YIPF4: variants seen among roughly 807,000 people sequenced by gnomAD.
YIPF4 encodes Yip1 domain family member 4, also known as protein YIPF4.
A neutral mutation model predicts 29.4 loss-of-function variants in YIPF4; 18 were observed. The ratio of observed to expected loss-of-function variants is 0.61; its 90% CI spans 0.42 to 0.91. The LOEUF is 0.91. YIPF4 is among the 40% of genes least tolerant of loss of function. The probability of loss-of-function intolerance (pLI) is 0.00; values close to 1 mark genes in which losing one functional copy is unlikely to be tolerated. For synonymous variants in YIPF4, 115 were observed against 104.7 expected, an observed-to-expected ratio of 1.10 and a Z score of -0.60; for missense variants, 279 against 282.7, an observed-to-expected ratio of 0.99 and a Z score of 0.09.
At chr2:32,286,484 C>T (rs965937507) in intron 1 of YIPF4, among the ~76,000 whole-genome samples, 5 of 151,966 alleles carry the variant, frequency 3.3e-5, no homozygotes, top group Non-Finnish European at 7.4e-5. Context: ...CTACTAAAAC[C>T]ATAAACCAGA....
chr2:32,280,128 T>A (rs760829239), intron 1 of YIPF4, among the ~76,000 whole-genome samples: 26 of 148,760 alleles, frequency 1.7e-4, no homozygotes, highest in Non-Finnish European at 3.3e-4. Flanking sequence ...CTAATATATA[T>A]ATATATATTT....
At chr2:32,285,423 G>C (rs924956281) in intron 1 of YIPF4, among the ~76,000 whole-genome samples, 2 of 152,008 alleles carry the variant, frequency 1.3e-5, no homozygotes, top group Admixed American at 1.3e-4. Flanking sequence ...TTTCAACCTT[G>C]GCCTTCTTCA....
intron 3 of YIPF4, among the ~76,000 whole-genome samples, chr2:32,295,592 A>C (rs1421446810): frequency 6.6e-6 from 1 of 152,046 alleles, no homozygotes; most frequent in East Asian, 1.9e-4. Context: ...TAATGTACTT[A>C]AATCTCCTTC....
At chr2:32,299,674 C>T (rs995577643) in intron 4 of YIPF4, among the ~76,000 whole-genome samples, 24 of 151,884 alleles carry the variant, frequency 1.6e-4, no homozygotes, top group African/African-American at 5.6e-4. Context: ...ATTATCCAGG[C>T]ATAGTGGTGT....
chr2:32,293,586 G>A lies in YIPF4; in HGVS notation c.405+1238G>A, dbSNP rs925309184. Among the ~76,000 whole-genome samples, 94 of 152,286 alleles carry A rather than the reference G, an allele frequency of 6.2e-4. 1 individual carries two copies. Among genetic ancestry groups the A allele is most frequent in the Non-Finnish European group, 1.0e-3 (68 of 68,030 alleles). On this transcript the variant is annotated intron_variant, in intron 3 of 5. Transcript: ENST00000238831. The stretch of plus-strand genomic sequence containing the variant: ...AAAACCGCCATTGTCATCGTGGCCC[G>A]TTCTCAATGAGCTGTTGGGTACACC...
At chr2:32,281,072 A>T (rs1178085502) in intron 1 of YIPF4, among the ~76,000 whole-genome samples, 1 of 152,160 alleles carries the variant, frequency 6.6e-6, no homozygotes, top group East Asian at 1.9e-4. Flanking sequence ...AAGAAACCTG[A>T]AATAAGTAAA....
chr2:32,300,586 A>G (rs752713300), intron 4 of YIPF4, among the ~76,000 whole-genome samples: 8 of 152,148 alleles, frequency 5.3e-5, no homozygotes, highest in Non-Finnish European at 8.8e-5. Flanking sequence ...TACTCTGCAT[A>G]TGGAAATTTA....
Position 32,290,561 on chromosome 2 carries a change from C to T in YIPF4, c.158C>T (p.Thr53Ile). The change falls in exon 2 of 6, where the codon ACA becomes ATA. Residue 53 changes from threonine (T) to isoleucine (I), a missense_variant. Physicochemically the swap from Thr to Ile is moderately conservative, Grantham distance 89. Transcript: ENST00000238831. ...TTTATCAAAGAATCTACAGCTACTACATTTCTGAGACAAAGAGGTTATGGC... is the reference window on the plus strand; with the variant it reads ...TTTATCAAAGAATCTACAGCTACTATATTTCTGAGACAAAGAGGTTATGGC... The part of the protein sequence containing the change: ...GDFIKESTAT[T>I]FLRQRGYGWL... 2 of 1,591,282 alleles carry T rather than the reference C, an allele frequency of 1.3e-6. No homozygotes were observed. Among genetic ancestry groups the T allele is most frequent in the Non-Finnish European group, 1.7e-6 (2 of 1,169,052 alleles).
chr2:32,311,530 T>C lies in YIPF4; in HGVS notation c.*5904T>C, dbSNP rs549395071. The C allele has an allele frequency of 5.9e-5, 9 of 152,330 alleles. No individual in the cohort carries two copies. Among genetic ancestry groups the C allele is most frequent in the Non-Finnish European group, 1.2e-4 (8 of 68,020 alleles). 9.4% of individuals were successfully genotyped at this position (152,330 alleles called of 1,614,324 possible). ...TTTTACTTTGAAGATGTTTGGTTTA[T>C]AGTAGTCCATGCTATACTAATGCTG... is the stretch of plus-strand genomic sequence containing the variant. On this transcript the variant is annotated 3_prime_UTR_variant, in exon 6 of 6. Coordinates refer to ENST00000238831, the MANE Select transcript of YIPF4 (RefSeq NM_032312.4).
intron 1 of YIPF4, among the ~76,000 whole-genome samples, chr2:32,280,466 G>T (rs1460412720): frequency 1.7e-4 from 26 of 150,376 alleles, no homozygotes; most frequent in African/African-American, 5.9e-4. Context: ...TGCAAGCTCC[G>T]CCTCCCGGGT....
intron 1 of YIPF4, among the ~76,000 whole-genome samples, chr2:32,286,761 GTCTCGA>G (rs1040077909): frequency 5.3e-5 from 8 of 152,140 alleles, no homozygotes; most frequent in African/African-American, 1.9e-4. Flanking sequence ...GGCCAGGATT[GTCTCGA>G]TCTCTTGACC....
At chr2:32,290,258 A>G (rs544994598) in intron 1 of YIPF4, among the ~76,000 whole-genome samples, 1 of 152,156 alleles carries the variant, frequency 6.6e-6, no homozygotes, top group East Asian at 1.9e-4. Context: ...TAGCTGTGAA[A>G]CCTTTTGTAC....
chr2:32,282,880 T>C (rs1296700536), intron 1 of YIPF4, among the ~76,000 whole-genome samples: 2 of 151,830 alleles, frequency 1.3e-5, no homozygotes, highest in African/African-American at 4.8e-5. Context: ...ATCAAGACCA[T>C]CCTGGCTAAC....
rs1393162725 is a variant in YIPF4, at chr2:32,292,240, G to A, written c.297G>A (p.Met99Ile). The change falls in exon 3 of 6, where the codon ATG becomes ATA. Residue 99 changes from methionine (M) to isoleucine (I), a missense_variant. Transcript: ENST00000238831. Reference sequence around the variant, plus strand: ...AAATCCGATGTGTTTTGATGCCAATGCCATCACTTGGTTTTAATAGACAAG... The same window carrying A: ...AAATCCGATGTGTTTTGATGCCAATACCATCACTTGGTTTTAATAGACAAG... ...YYKIRCVLMPMPSLGFNRQVV... is the reference protein window; with the variant it reads ...YYKIRCVLMPIPSLGFNRQVV... 7 of 1,603,292 alleles carry A rather than the reference G, an allele frequency of 4.4e-6. No homozygotes were observed. The African/African-American group carries it at 9.4e-5, about 21-fold the overall frequency.
chr2:32,281,442 A>G (rs1258513872), intron 1 of YIPF4, among the ~76,000 whole-genome samples: 6 of 152,000 alleles, frequency 3.9e-5, no homozygotes, highest in East Asian at 1.9e-4. Flanking sequence ...GGGTTTCGCC[A>G]TGTTTCACAG....
rs531097807 is a variant in YIPF4 at position 32,316,347 on chromosome 2, A to G, written c.*10721A>G. 1.3e-5 allele frequency: 2 copies of G among 152,340 alleles called. No individual in the cohort carries two copies. Among genetic ancestry groups the G allele is most frequent in the East Asian group, 1.9e-4 (1 of 5,192 alleles). The allele number at this position is 152,340 out of a possible 1,614,324, so 9.4% of individuals were successfully genotyped here. A position where few individuals can be genotyped will look rare whatever the true frequency, so the allele number is the denominator to read the frequency against. ...GGGGAGGGTAAAAAGACCAACTAAT[A>G]TATGTAAAGATGCACAAATTCATTC... On this transcript the variant is annotated 3_prime_UTR_variant, in exon 6 of 6. Transcript: ENST00000238831.
In YIPF4 at chr2:32,306,044, T is replaced by A; in HGVS notation, c.*418T>A. Reference sequence around the variant, plus strand: ...TCCAGCATCACAGATCCTGCAGATATATATTTATATTTATACATATATATT... The same window carrying A: ...TCCAGCATCACAGATCCTGCAGATAAATATTTATATTTATACATATATATT... On this transcript the variant is annotated 3_prime_UTR_variant, in exon 6 of 6. Transcript: ENST00000238831. 1.2e-6 allele frequency: 1 copy of A among 840,158 alleles called. No individual in the cohort carries two copies. The highest frequency in any genetic ancestry group is 1.4e-6 in the Non-Finnish European group (1 of 697,790). The allele number at this position is 840,158 out of a possible 1,614,324, so 52.0% of individuals were successfully genotyped here.
rs1269416594 is a variant in YIPF4 at position 32,281,617 on chromosome 2, G to A, written c.79+3383G>A. Among the ~76,000 whole-genome samples, 5 of 152,068 alleles carry A rather than the reference G, an allele frequency of 3.3e-5. No homozygotes were observed. In the South Asian group the frequency reaches 6.2e-4, roughly 19 times the overall value. ...ATAAAGAAACTGAGGTGAGCTGGGT[G>A]TGGTGGCTTACACCTGTAATCCCAG... On this transcript the variant is annotated intron_variant, in intron 1 of 5. Transcript: ENST00000238831.
chr2:32,294,409 C>T (rs951260344), intron 3 of YIPF4, among the ~76,000 whole-genome samples: 43 of 151,258 alleles, frequency 2.8e-4, no homozygotes, highest in African/African-American at 7.5e-4. Flanking sequence ...CGAGCAGAGG[C>T]GCTCCTCACA....
Sources: allele counts gnomAD v4.1 joint callset (sites outside exome capture counted in the v4.1 genomes callset), GRCh38; gene constraint gnomAD v4.1.1; transcripts MANE v1.5; gene names NCBI Gene and HGNC (gene_info 2026-07-23, HGNC 2026-07-21).